GALNT18: variants seen among roughly 807,000 people sequenced by gnomAD.
The protein encoded by GALNT18 is polypeptide N-acetylgalactosaminyltransferase 18, also known as GalNAc-transferase 18.
In GALNT18, 44 loss-of-function variants were observed where a neutral mutation model predicts 69.5. That is an observed-to-expected ratio of 0.63 (90% confidence interval 0.50 to 0.81). The LOEUF (loss-of-function observed/expected upper bound fraction) is 0.81. GALNT18 is among the 40% of genes least tolerant of loss of function. The probability of loss-of-function intolerance (pLI) is 0.00; values close to 1 mark genes in which losing one functional copy is unlikely to be tolerated. For missense variants in GALNT18, 715 were observed against 810.0 expected, an observed-to-expected ratio of 0.88 and a Z score of 1.42; for synonymous variants, 364 against 318.2, an observed-to-expected ratio of 1.14 and a Z score of -1.53.
chr11:11,513,663 A>G (rs776375277), intron 1 of GALNT18, among the ~76,000 whole-genome samples: 5 of 152,270 alleles, frequency 3.3e-5, no homozygotes, highest in Non-Finnish European at 5.9e-5. Flanking sequence ...TGTTCAAGAC[A>G]AAGGACAAGA....
At chr11:11,561,639 A>C (rs1858509562) in intron 1 of GALNT18, among the ~76,000 whole-genome samples, 1 of 152,214 alleles carries the variant, frequency 6.6e-6, no homozygotes, top group Non-Finnish European at 1.5e-5. Context: ...CTGAGGAAAC[A>C]CTTTCTGGTC....
chr11:11,460,140 G>T (rs967318298), intron 1 of GALNT18, among the ~76,000 whole-genome samples: 1 of 152,158 alleles, frequency 6.6e-6, no homozygotes, highest in African/African-American at 2.4e-5. Flanking sequence ...CTCTTTAAAA[G>T]TCAGCTGAAT....
intron 3 of GALNT18, among the ~76,000 whole-genome samples, chr11:11,428,452 C>T (rs972647663): frequency 1.3e-5 from 2 of 152,270 alleles, no homozygotes; most frequent in Non-Finnish European, 2.9e-5. Flanking sequence ...TGTTGGCCAT[C>T]AGGCCACTGA....
intron 1 of GALNT18, chr11:11,570,098 C>T (rs890333207): frequency 1.3e-5 from 2 of 152,278 alleles, no homozygotes; most frequent in Admixed American, 6.5e-5. Context: ...GGCGGAGCCC[C>T]GGACTGGCTG....
At chr11:11,441,531 G>A (rs993570639) in intron 2 of GALNT18, among the ~76,000 whole-genome samples, 5 of 152,082 alleles carry the variant, frequency 3.3e-5, no homozygotes, top group Non-Finnish European at 4.4e-5. Flanking sequence ...GCCACATAGC[G>A]CCTGTGGGAA....
In GALNT18 at chr11:11,469,198, T is replaced by A. The variant is rs538110737; in HGVS notation, c.236-20262A>T. 3.3e-5 allele frequency among the ~76,000 whole-genome samples: 5 copies of A among 152,312 alleles called. No homozygotes were observed. The South Asian group carries it at 1.0e-3, about 32-fold the overall frequency. On this transcript the variant is annotated intron_variant, in intron 1 of 10. Transcript: ENST00000227756. The surrounding 1 kb of genome is among the most constrained non-coding windows in gnomAD (Gnocchi z 4.2). ...GTTGCTATAAACATAAAGAAGCCCG[T>A]CTGCTTTCTTGCCTCTGTGAATGTC...
At chr11:11,276,645 G>A (rs947663558) in intron 10 of GALNT18, among the ~76,000 whole-genome samples, 2 of 152,126 alleles carry the variant, frequency 1.3e-5, no homozygotes, top group Non-Finnish European at 2.9e-5. Flanking sequence ...TTGGCTGTGG[G>A]TTTGTCATAA....
rs56791321 is a variant in GALNT18 at position 11,497,750 on chromosome 11, C to CTATATATATATA, written c.236-48826_236-48815dup. 6.9e-6 allele frequency among the ~76,000 whole-genome samples: 1 copy of CTATATATATATA among 144,868 alleles called. No individual in the cohort carries two copies. Among genetic ancestry groups the CTATATATATATA allele is most frequent in the African/African-American group, 2.5e-5 (1 of 39,266 alleles). ...ATGTGTATGTGCATATACATATTTT[C>CTATATATATATA]TATATATATATATATATACACACAC... On this transcript the variant is annotated intron_variant, in intron 1 of 10. Transcript: ENST00000227756. This position sits in a 1 kb window ranked among gnomAD's most constrained non-coding sequence, Gnocchi z 4.2.
chr11:11,527,125 C>T (rs1455869849), intron 1 of GALNT18, among the ~76,000 whole-genome samples: 2 of 152,066 alleles, frequency 1.3e-5, no homozygotes, highest in East Asian at 1.9e-4. Flanking sequence ...GTACTCCCTG[C>T]ATAGTGATCC....
Position 11,341,124 on chromosome 11 carries a change from G to T in GALNT18, c.1093-120C>A. On this transcript the variant is annotated intron_variant, in intron 6 of 10. Transcript: ENST00000227756. The surrounding 1 kb of genome is among the most constrained non-coding windows in gnomAD (Gnocchi z 6.3). Reference sequence around the variant, plus strand: ...TCAGCCCCTTCACCTTGACTCCCCAGATCACTCTCTGTGAAGGAGTAGGCC... The same window carrying T: ...TCAGCCCCTTCACCTTGACTCCCCATATCACTCTCTGTGAAGGAGTAGGCC... 1 of 858,910 alleles carries T rather than the reference G, an allele frequency of 1.2e-6. No homozygotes were observed. The highest frequency in any genetic ancestry group is 1.8e-6 in the Non-Finnish European group (1 of 558,578). The allele number at this position is 858,910 out of a possible 1,614,324, so 53.2% of individuals were successfully genotyped here.
intron 1 of GALNT18, among the ~76,000 whole-genome samples, chr11:11,528,482 G>A (rs563185638): frequency 1.8e-4 from 28 of 152,336 alleles, no homozygotes; most frequent in African/African-American, 6.5e-4. Flanking sequence ...AAGGCAATCA[G>A]ATTCTTTAAG....
chr11:11,547,510 C>T (rs565108199), intron 1 of GALNT18, among the ~76,000 whole-genome samples: 2 of 152,332 alleles, frequency 1.3e-5, no homozygotes, highest in East Asian at 1.9e-4. Flanking sequence ...GCCAGGCATG[C>T]GTCCCTCCCC....
chr11:11,581,622 G>C (rs1859088489), intron 1 of GALNT18, among the ~76,000 whole-genome samples: 1 of 151,946 alleles, frequency 6.6e-6, no homozygotes, highest in Non-Finnish European at 1.5e-5. Flanking sequence ...GAAGGGTGCA[G>C]CTTGTTATTA....
At chr11:11,549,304 G>A (rs1198043811) in intron 1 of GALNT18, among the ~76,000 whole-genome samples, 1 of 152,204 alleles carries the variant, frequency 6.6e-6, no homozygotes, top group Admixed American at 6.5e-5. Context: ...TCTTGAATTT[G>A]AGAGAGAAAT....
chr11:11,515,089 G>C (rs890211693), intron 1 of GALNT18, among the ~76,000 whole-genome samples: 1 of 152,186 alleles, frequency 6.6e-6, no homozygotes, highest in Admixed American at 6.5e-5. Flanking sequence ...CCACTTTCTA[G>C]CTGCGGGTCT....
intron 1 of GALNT18, chr11:11,475,483 T>A (rs527307093): frequency 6.6e-6 from 1 of 152,234 alleles, no homozygotes; most frequent in African/African-American, 2.4e-5. Context: ...AAGTCTAGAA[T>A]TGTGGCTCTT....
At chr11:11,478,617 C>G (rs1291890569) in intron 1 of GALNT18, among the ~76,000 whole-genome samples, 1 of 152,140 alleles carries the variant, frequency 6.6e-6, no homozygotes, top group Non-Finnish European at 1.5e-5. Flanking sequence ...TTTGATAGAG[C>G]ACATACAAAA....
At chr11:11,521,794 C>T (rs1195151173) in intron 1 of GALNT18, among the ~76,000 whole-genome samples, 1 of 152,184 alleles carries the variant, frequency 6.6e-6, no homozygotes, top group Non-Finnish European at 1.5e-5. Flanking sequence ...CCAGCCCACA[C>T]ACCTTTGGCC....
At position 11,591,132 on chromosome 11, in the gene GALNT18, G is replaced by A. The variant is rs1280904532; in HGVS notation, c.235+30227C>T. ...GGAGGTGGAAGACAGTGACATTGAT[G>A]ATGCTGACTCTGTAGGCCTAGGCTA... On this transcript the variant is annotated intron_variant, in intron 1 of 10. Transcript: ENST00000227756. This position sits in a 1 kb window ranked among gnomAD's most constrained non-coding sequence, Gnocchi z 4.8. Among the ~76,000 whole-genome samples, 2 of 150,568 alleles carry A rather than the reference G, an allele frequency of 1.3e-5. No homozygotes were observed. Among genetic ancestry groups the A allele is most frequent in the Non-Finnish European group, 3.0e-5 (2 of 67,796 alleles).
Sources: allele counts gnomAD v4.1 joint callset (sites outside exome capture counted in the v4.1 genomes callset), GRCh38; gene constraint gnomAD v4.1.1; non-coding constraint Gnocchi (gnomAD v3.1); transcripts MANE v1.5; gene names NCBI Gene and HGNC (gene_info 2026-07-23, HGNC 2026-07-21).